Variants in PLA2G4E observed in about 807,000 individuals in gnomAD.
The protein encoded by PLA2G4E is phospholipase A2 group IVE, also known as cytosolic phospholipase A2 epsilon.
PLA2G4E carries 84 observed loss-of-function variants against 109.1 expected under a neutral mutation model. The observed-to-expected ratio is 0.77, with a 90% CI of 0.65 to 0.92. PLA2G4E has a LOEUF of 0.92. PLA2G4E is among the 40% of genes least tolerant of loss of function. The probability of loss-of-function intolerance (pLI) is 0.00; values close to 1 mark genes in which losing one functional copy is unlikely to be tolerated. For missense variants in PLA2G4E, 1,057 were observed against 1,076.6 expected, an observed-to-expected ratio of 0.98 and a Z score of 0.25; for synonymous variants, 469 against 436.1, an observed-to-expected ratio of 1.08 and a Z score of -0.94.
At chr15:41,988,615 C>T (rs1440315219) in intron 15 of PLA2G4E, among the ~76,000 whole-genome samples, 2 of 152,154 alleles carry the variant, frequency 1.3e-5, no homozygotes, top group Non-Finnish European at 2.9e-5. Flanking sequence ...ACTCTTAAGC[C>T]TAATTAACTA....
intron 1 of PLA2G4E, among the ~76,000 whole-genome samples, chr15:42,033,010 G>C (rs1192845410): frequency 6.6e-6 from 1 of 152,106 alleles, no homozygotes; most frequent in Non-Finnish European, 1.5e-5. Flanking sequence ...ATGTATGTGA[G>C]TATGCTGTGA....
At chr15:41,998,401 C>T (rs1595563032) in intron 10 of PLA2G4E, 1 of 152,328 alleles carries the variant, frequency 6.6e-6, no homozygotes. Flanking sequence ...CTGAGTACTT[C>T]GCACGTGCTG....
intron 3 of PLA2G4E, among the ~76,000 whole-genome samples, chr15:42,007,424 C>T (rs76880895): frequency 0.037 from 5,700 of 152,220 alleles, 361 homozygotes; most frequent in African/African-American, 0.13. Flanking sequence ...TGTGTATTCC[C>T]CTGCTTGGAG....
chr15:42,038,657 C>G (rs924269044), intron 1 of PLA2G4E, among the ~76,000 whole-genome samples: 10 of 152,212 alleles, frequency 6.6e-5, no homozygotes, highest in African/African-American at 2.2e-4. Context: ...GGCCACAGAC[C>G]AGTACGTACC....
intron 1 of PLA2G4E, among the ~76,000 whole-genome samples, chr15:42,045,952 A>AT (rs137890832): frequency 0.19 from 29,211 of 151,880 alleles, 2,977 homozygotes; most frequent in South Asian, 0.33. Flanking sequence ...ACCCCAACCA[A>AT]TTCTATCCTA....
intron 1 of PLA2G4E, among the ~76,000 whole-genome samples, chr15:42,049,997 G>A (rs1889480337): frequency 2.0e-5 from 3 of 152,232 alleles, no homozygotes; most frequent in African/African-American, 7.2e-5. Flanking sequence ...AGGTAAGCCA[G>A]ATCTATGTGT....
At chr15:42,000,957 C>T (rs747889906) in intron 7 of PLA2G4E, among the ~76,000 whole-genome samples, 200 bp downstream of exon 7, 20 of 152,156 alleles carry the variant, frequency 1.3e-4, no homozygotes, top group Non-Finnish European at 1.6e-4. Flanking sequence ...GGTGCTTGGG[C>T]GAACACGCCC....
chr15:41,989,617 C>T, intron 14 of PLA2G4E, 65 bp from the exon 15 acceptor site: 1 of 1,544,712 alleles, frequency 6.5e-7, no homozygotes, highest in Non-Finnish European at 8.8e-7. Flanking sequence ...CAGCCGGGCC[C>T]CCCTCCTGCC....
intron 5 of PLA2G4E, 126 bp from the exon 6 acceptor site, chr15:42,002,822 T>TA: frequency 4.2e-6 from 4 of 951,426 alleles, no homozygotes; most frequent in Non-Finnish European, 6.5e-6. Context: ...TCATAAAAAA[T>TA]ACTAGCTTCG....
chr15:42,016,277 A>C (rs923825173), intron 1 of PLA2G4E, among the ~76,000 whole-genome samples: 9 of 120,320 alleles, frequency 7.5e-5, no homozygotes, highest in East Asian at 6.8e-4. Flanking sequence ...ACAGGGTCTC[A>C]CTCTGTTGCC....
In PLA2G4E at chr15:42,020,923, C is replaced by T. The variant is rs749841462; in HGVS notation, c.184-7166G>A. Among the ~76,000 whole-genome samples the T allele has an allele frequency of 1.4e-4, 21 of 151,980 alleles. No individual in the cohort carries two copies. The highest frequency in any genetic ancestry group is 1.9e-4 in the Non-Finnish European group (13 of 67,964). On this transcript the variant is annotated intron_variant, in intron 1 of 19. Coordinates refer to ENST00000399518, the Ensembl canonical transcript of PLA2G4E. ...AGCCTCTGGCCCCAGCCACTGAGCA[C>T]CCCTCCCTCACCTTCAAGGCACAGG...
chr15:41,985,784 G>A (rs1473880333), intron 18 of PLA2G4E, 55 bp downstream of exon 18: 2 of 1,552,446 alleles, frequency 1.3e-6, no homozygotes, highest in African/African-American at 2.7e-5. Flanking sequence ...CTGACTGCGG[G>A]GCCCATCTTA....
At chr15:42,000,335 G>T (rs58067941) in intron 7 of PLA2G4E, 53 bp from the exon 8 acceptor site, 5 of 1,476,534 alleles carry the variant, frequency 3.4e-6, no homozygotes, top group Non-Finnish European at 3.6e-6. Flanking sequence ...CTACCCACCT[G>T]CAACTTGGTC....
intron 18 of PLA2G4E, 54 bp downstream of exon 18, chr15:41,985,785 G>A (rs2141020446): frequency 1.9e-6 from 3 of 1,554,510 alleles, no homozygotes; most frequent in South Asian, 2.4e-5. Flanking sequence ...TGACTGCGGG[G>A]CCCATCTTAG....
At chr15:41,985,726 G>C in intron 18 of PLA2G4E, 113 bp downstream of exon 18, 2 of 1,314,710 alleles carry the variant, frequency 1.5e-6, no homozygotes, top group Admixed American at 2.1e-5. Flanking sequence ...ATGCTCTCTG[G>C]GGGCTGTCTA....
intron 2 of PLA2G4E, chr15:42,010,132 G>GCCCCCCC (rs202221046): frequency 4.0e-5 from 17 of 428,730 alleles, no homozygotes; most frequent in South Asian, 1.2e-4. Flanking sequence ...CAGAACACTG[G>GCCCCCCC]CCCCCCCACC....
intron 1 of PLA2G4E, among the ~76,000 whole-genome samples, chr15:42,021,926 G>GC (rs1189917668): frequency 6.6e-6 from 1 of 152,220 alleles, no homozygotes; most frequent in Non-Finnish European, 1.5e-5. Flanking sequence ...GATGGAACCT[G>GC]GTTGGAGGTA....
intron 12 of PLA2G4E, among the ~76,000 whole-genome samples, chr15:41,993,382 G>C (rs1313793846): frequency 1.3e-5 from 2 of 152,196 alleles, no homozygotes; most frequent in African/African-American, 2.4e-5. Context: ...GATTACATGA[G>C]TTAAGGTGAT....
intron 3 of PLA2G4E, 37 bp from the exon 4 acceptor site, chr15:42,006,158 G>A (rs1218582682): frequency 8.7e-6 from 14 of 1,610,480 alleles, no homozygotes; most frequent in Admixed American, 3.3e-5. Context: ...TGGTTACCAC[G>A]GTTGCATTGA....
Sources: gnomAD v4.1 joint callset for allele counts (sites outside exome capture counted in the v4.1 genomes callset) on GRCh38, gnomAD v4.1.1 for gene constraint, MANE v1.5 for transcripts, NCBI Gene and HGNC (gene_info 2026-07-23, HGNC 2026-07-21) for gene names.